The following EIF4G3 variants were observed in gnomAD, a reference collection of about 807,000 sequenced individuals.
EIF4G3 encodes the protein eukaryotic translation initiation factor 4 gamma 3, also known as eIF-4-gamma 3.
A neutral mutation model predicts 186.4 loss-of-function variants in EIF4G3; 34 were observed. That is an observed-to-expected ratio of 0.18 (90% CI 0.14 to 0.24). The LOEUF is 0.24. EIF4G3 is among the 10% of genes least tolerant of loss of function. EIF4G3 has a pLI of 1.00. For missense variants in EIF4G3, 1,536 were observed against 1,948.5 expected (o/e 0.79, Z 3.99); for synonymous variants, 673 against 679.5 (o/e 0.99, Z 0.15).
chr1:21,017,726 T>G (rs1438315476), intron 4 of EIF4G3, among the ~76,000 whole-genome samples: 1 of 149,570 alleles, frequency 6.7e-6, no homozygotes, highest in Non-Finnish European at 1.5e-5. Context: ...AACAAAAAAA[T>G]TTAAAAAGCT....
chr1:21,148,096 T>G (rs1041676347), intron 2 of EIF4G3, among the ~76,000 whole-genome samples: 2 of 152,230 alleles, frequency 1.3e-5, no homozygotes, highest in Non-Finnish European at 2.9e-5. Context: ...GAGAAGAGTC[T>G]TGCTCTGTCA....
chr1:21,056,285 C>G (rs777338189), intron 3 of EIF4G3, among the ~76,000 whole-genome samples: 1 of 152,150 alleles, frequency 6.6e-6, no homozygotes, highest in Non-Finnish European at 1.5e-5. Context: ...AATAGAAGAA[C>G]TAGAATTTCT....
intron 4 of EIF4G3, among the ~76,000 whole-genome samples, chr1:21,050,597 A>C (rs983456347): frequency 1.3e-5 from 2 of 152,212 alleles, no homozygotes; most frequent in African/African-American, 2.4e-5. Context: ...TTTTCCAGTA[A>C]ACTTTAGAAT....
chr1:21,024,902 A>T (rs191138457), intron 4 of EIF4G3, among the ~76,000 whole-genome samples: 5,670 of 52,506 alleles, frequency 0.11, 162 homozygotes, highest in Non-Finnish European at 0.16. Context: ...AAATAAATTT[A>T]AAAAAAAAAA....
rs921187861 is a variant in EIF4G3, at chr1:20,829,246, T to G, written c.4088A>C (p.Asp1363Ala). 6.2e-7 allele frequency: 1 copy of G among 1,613,618 alleles called. No homozygotes were observed. Among genetic ancestry groups the G allele is most frequent in the Non-Finnish European group, 8.5e-7 (1 of 1,179,850 alleles). The change falls in exon 31 of 37, where the codon GAT (aspartate) becomes GCT (alanine). Residue 1363 changes from aspartate to alanine, a missense_variant. Around this residue, in one of 11 missense-constraint regions of EIF4G3, gnomAD observed 395 missense variants for 498.9 expected, o/e 0.79. Coordinates refer to ENST00000602326, the MANE Select transcript of EIF4G3 (RefSeq NM_001391906.1). ...KGFSETLELA[D>A]DMAIDIPHIW... ...ATGGGGAATATCAATGGCCATGTCA[T>G]CTGCCAATTCCAAAGTTTCTGAAAA...
intron 3 of EIF4G3, among the ~76,000 whole-genome samples, chr1:21,054,535 G>A (rs2094475120): frequency 6.6e-6 from 1 of 151,906 alleles, no homozygotes; most frequent in South Asian, 2.1e-4. Context: ...ATGTTCTTCA[G>A]TGGTGCGTTA....
chr1:20,915,885 G>C (rs1006041353), intron 14 of EIF4G3, among the ~76,000 whole-genome samples: 1 of 152,108 alleles, frequency 6.6e-6, no homozygotes, highest in Non-Finnish European at 1.5e-5. Context: ...AGAAATAAAG[G>C]GTGCATCCAG....
At chr1:20,907,407 ATACTT>A (rs1164342082) in intron 14 of EIF4G3, among the ~76,000 whole-genome samples, 1 of 152,028 alleles carries the variant, frequency 6.6e-6, no homozygotes, top group Non-Finnish European at 1.5e-5. Context: ...TATTATTATT[ATACTT>A]TAAGTTTTAG....
At position 20,895,003 on chromosome 1, in the gene EIF4G3, G is replaced by A. The variant is rs182962757; in HGVS notation, c.2133+365C>T. 5.0e-3 allele frequency among the ~76,000 whole-genome samples: 756 copies of A among 152,136 alleles called. 6 individuals carry two copies. Among genetic ancestry groups the A allele is most frequent in the African/African-American group, 0.017 (721 of 41,516 alleles). ...CCTAGATTTCTGACCTGTCTTCAAT[G>A]CCAATAGAATTCCATAATGAACTTT... On this transcript the variant is annotated intron_variant, in intron 17 of 36. Coordinates refer to ENST00000602326, the MANE Select transcript of EIF4G3 (RefSeq NM_001391906.1).
intron 18 of EIF4G3, 32 bp downstream of exon 18, chr1:20,893,485 A>G (rs2086831813): frequency 6.4e-7 from 1 of 1,567,776 alleles, no homozygotes; most frequent in Admixed American, 1.7e-5. Context: ...GCCAGTGTCT[A>G]ACTAAGTGAG....
At chr1:20,936,872 T>C (rs1362592009) in intron 14 of EIF4G3, among the ~76,000 whole-genome samples, 1 of 152,186 alleles carries the variant, frequency 6.6e-6, no homozygotes, top group East Asian at 1.9e-4. Context: ...TACCAAAACA[T>C]ATAATCGTAT....
chr1:20,941,972 T>A lies in EIF4G3; in HGVS notation c.1182A>T (p.Lys394Asn). The change falls in exon 14 of 37, where the codon AAA (lysine) becomes AAT (asparagine). Residue 394 changes from lysine to asparagine, a missense_variant. Physicochemically the swap from Lys to Asn is moderately conservative, Grantham distance 94. Transcript: ENST00000602326. ...TNENDDDICKKPCSVAPNDIP... is the reference protein window; with the variant it reads ...TNENDDDICKNPCSVAPNDIP... The stretch of plus-strand genomic sequence containing the variant: ...TATCATTAGGTGCTACACTACAGGG[T>A]TTCTTGCATATATCATCATCATTTT... The A allele has an allele frequency of 6.2e-7, 1 of 1,614,202 alleles. No individual in the cohort carries two copies. The highest frequency in any genetic ancestry group is 8.5e-7 in the Non-Finnish European group (1 of 1,180,020).
At chr1:21,060,548 C>T (rs544889597) in intron 3 of EIF4G3, among the ~76,000 whole-genome samples, 63 of 152,208 alleles carry the variant, frequency 4.1e-4, no homozygotes, top group Non-Finnish European at 8.4e-4. Context: ...CGAATGTTTT[C>T]CAAAGATCAT....
intron 24 of EIF4G3, among the ~76,000 whole-genome samples, chr1:20,857,716 AC>A (rs1160656726): frequency 2.6e-5 from 4 of 152,204 alleles, no homozygotes; most frequent in Admixed American, 6.5e-5. Context: ...ATTTTGGATC[AC>A]CCATGAAACA....
intron 20 of EIF4G3, among the ~76,000 whole-genome samples, chr1:20,878,900 C>A (rs552925455): frequency 3.3e-5 from 5 of 152,312 alleles, no homozygotes; most frequent in Non-Finnish European, 7.4e-5. Context: ...ACCTTTTTGA[C>A]TACAGAACAA....
In EIF4G3 at chr1:20,807,201, G is replaced by A. The variant is rs1570730845; in HGVS notation, c.*118C>T. ...TTTCTCTTTCCCCTCTCCCACTCGT[G>A]CACACGTGGGGGTTTCTGCGAGAAT... On this transcript the variant is annotated 3_prime_UTR_variant, in exon 37 of 37. Transcript: ENST00000602326. 3 of 829,692 alleles carry A rather than the reference G, an allele frequency of 3.6e-6. No individual in the cohort carries two copies. Among genetic ancestry groups the A allele is most frequent in the Non-Finnish European group, 5.4e-6 (3 of 558,392 alleles). 51.4% of individuals were successfully genotyped at this position (829,692 alleles called of 1,614,324 possible). A position where few individuals can be genotyped will look rare whatever the true frequency, so the allele number is the denominator to read the frequency against.
chr1:20,856,979 G>A (rs948507309), intron 25 of EIF4G3, among the ~76,000 whole-genome samples: 3 of 151,802 alleles, frequency 2.0e-5, no homozygotes, highest in East Asian at 3.9e-4. Context: ...TGGCTAACAC[G>A]GTGAAACCCC....
chr1:20,834,032 G>C (rs1210704265), intron 30 of EIF4G3, among the ~76,000 whole-genome samples: 2 of 152,180 alleles, frequency 1.3e-5, no homozygotes, highest in Non-Finnish European at 2.9e-5. Context: ...AAGTGGTATT[G>C]TCAAAAATAA....
chr1:20,862,478 C>T, intron 22 of EIF4G3, 146 bp from the exon 23 acceptor site: 2 of 546,868 alleles, frequency 3.7e-6, no homozygotes, highest in South Asian at 5.1e-5. Context: ...TGCAGTAGCA[C>T]AATCACGGCT....
Sources: allele counts gnomAD v4.1 joint callset (sites outside exome capture counted in the v4.1 genomes callset), GRCh38; gene constraint gnomAD v4.1.1; regional missense constraint gnomAD v4.1.1; transcripts MANE v1.5; gene names NCBI Gene and HGNC (gene_info 2026-07-23, HGNC 2026-07-21).